Variants in NRIP1 observed in about 807,000 individuals in gnomAD.
The protein encoded by NRIP1 is nuclear receptor interacting protein 1.
NRIP1 carries 28 observed loss-of-function variants against 75.0 expected under a neutral mutation model. The observed-to-expected ratio is 0.37, with a 90% confidence interval of 0.28 to 0.51. The LOEUF is 0.51. NRIP1 is among the 20% of genes least tolerant of loss of function. NRIP1 has a pLI of 0.92. For missense variants in NRIP1, 1,435 were observed against 1,343.7 expected (o/e 1.07, Z -1.06); for synonymous variants, 526 against 487.6 (o/e 1.08, Z -1.04).
intron 2 of NRIP1, among the ~76,000 whole-genome samples, chr21:15,017,588 A>C (rs778446246): frequency 2.0e-5 from 3 of 152,212 alleles, no homozygotes; most frequent in Non-Finnish European, 4.4e-5. Context: ...GTAGATGAGG[A>C]AACTGGGTTT....
At chr21:15,028,186 C>T (rs1282321715) in intron 2 of NRIP1, among the ~76,000 whole-genome samples, 1 of 152,100 alleles carries the variant, frequency 6.6e-6, no homozygotes, top group Non-Finnish European at 1.5e-5. Flanking sequence ...ATCTTAGCTA[C>T]GTGCTGCATT....
intron 3 of NRIP1, among the ~76,000 whole-genome samples, chr21:14,999,447 A>G (rs1308853109): frequency 6.6e-6 from 1 of 152,196 alleles, no homozygotes. Flanking sequence ...ATTTGGTTAT[A>G]AACTTTACTG....
At chr21:14,980,472 CAAAATAAAAT>C (rs1288307319) in intron 3 of NRIP1, among the ~76,000 whole-genome samples, 2 of 151,176 alleles carry the variant, frequency 1.3e-5, no homozygotes, top group African/African-American at 4.9e-5. Context: ...GACTCCGTAT[CAAAATAAAAT>C]AAAATAAAAT....
At chr21:15,001,237 C>T (rs1481108064) in intron 3 of NRIP1, among the ~76,000 whole-genome samples, 1 of 152,188 alleles carries the variant, frequency 6.6e-6, no homozygotes, top group East Asian at 1.9e-4. Context: ...CTTCCTCTCT[C>T]TCCTAAATCA....
At chr21:15,060,724 C>T (rs984242028) in intron 1 of NRIP1, among the ~76,000 whole-genome samples, 1 of 152,132 alleles carries the variant, frequency 6.6e-6, no homozygotes, top group Admixed American at 6.5e-5. Flanking sequence ...TGTCGTTTCT[C>T]TCCCTCAAAC....
At chr21:14,984,228 T>C (rs909279451) in intron 3 of NRIP1, among the ~76,000 whole-genome samples, 1 of 152,118 alleles carries the variant, frequency 6.6e-6, no homozygotes, top group African/African-American at 2.4e-5. Flanking sequence ...ATGGATGACT[T>C]TGAGGAATTC....
intron 3 of NRIP1, among the ~76,000 whole-genome samples, chr21:14,996,970 T>C (rs1192071633): frequency 6.6e-6 from 1 of 152,064 alleles, no homozygotes; most frequent in Admixed American, 6.6e-5. Context: ...ATAAGTACTA[T>C]CCAGTTAAAA....
intron 3 of NRIP1, among the ~76,000 whole-genome samples, chr21:14,994,395 G>A (rs2087661812): frequency 6.6e-6 from 1 of 152,078 alleles, no homozygotes; most frequent in South Asian, 2.1e-4. Context: ...AGAATGCTGG[G>A]ATTACATGCA....
chr21:14,972,537 A>G (rs1241390024), intron 3 of NRIP1, among the ~76,000 whole-genome samples: 1 of 152,232 alleles, frequency 6.6e-6, no homozygotes, highest in African/African-American at 2.4e-5. Flanking sequence ...ATTCCAACAT[A>G]TAGTTCTCTT....
At chr21:15,034,502 G>GA (rs527440526) in intron 2 of NRIP1, among the ~76,000 whole-genome samples, 12 of 152,190 alleles carry the variant, frequency 7.9e-5, no homozygotes, top group African/African-American at 2.2e-4. Context: ...TTCCTGGGGG[G>GA]AAAAAATGAA....
At chr21:14,976,753 A>C (rs1443619539) in intron 3 of NRIP1, among the ~76,000 whole-genome samples, 1 of 152,208 alleles carries the variant, frequency 6.6e-6, no homozygotes, top group Non-Finnish European at 1.5e-5. Context: ...ATGTAGGACT[A>C]TTTTTGGTTG....
At chr21:14,984,950 A>C (rs186379781) in intron 3 of NRIP1, among the ~76,000 whole-genome samples, 46 of 152,314 alleles carry the variant, frequency 3.0e-4, no homozygotes, top group African/African-American at 1.1e-3. Context: ...TGGCACACTT[A>C]ACAGACTACA....
intron 2 of NRIP1, among the ~76,000 whole-genome samples, chr21:15,040,653 T>G (rs951418631): frequency 6.6e-6 from 1 of 152,058 alleles, no homozygotes; most frequent in Non-Finnish European, 1.5e-5. Context: ...AAATCCACTT[T>G]CAGTATTTCA....
chr21:14,962,044 AAATAT>A lies in NRIP1; in HGVS notation c.*2667_*2671del, dbSNP rs2086607117. ...ATATATATATATATATATATATATA[AAATAT>A]ATACTCTCACCAGTTTACTCTTCTG... On this transcript the variant is annotated 3_prime_UTR_variant, in exon 4 of 4. Transcript: ENST00000318948. The A allele has an allele frequency of 7.0e-6, 1 of 143,374 alleles. No individual in the cohort carries two copies. Among genetic ancestry groups the A allele is most frequent in the Non-Finnish European group, 1.5e-5 (1 of 64,926 alleles). 8.9% of individuals were successfully genotyped at this position (143,374 alleles called of 1,614,324 possible).
chr21:14,970,251 A>G (rs866250814), intron 3 of NRIP1, among the ~76,000 whole-genome samples: 2 of 152,190 alleles, frequency 1.3e-5, no homozygotes, highest in African/African-American at 2.4e-5. Context: ...AATTCTCTCA[A>G]AAAACTTAAT....
intron 3 of NRIP1, among the ~76,000 whole-genome samples, chr21:15,001,563 T>TA (rs368165038): frequency 0.017 from 2,551 of 152,068 alleles, 79 homozygotes; most frequent in African/African-American, 0.058. Context: ...ATCACAGAAT[T>TA]AAAAAAAATT....
At chr21:15,014,827 TAA>T (rs56153791) in intron 2 of NRIP1, among the ~76,000 whole-genome samples, 134 of 144,514 alleles carry the variant, frequency 9.3e-4, no homozygotes, top group Non-Finnish European at 1.2e-3. Flanking sequence ...GTGTATTTCT[TAA>T]AAAAAAAAAA....
In NRIP1 at chr21:15,031,995, G is replaced by A. The variant is rs572901338; in HGVS notation, c.-458+11500C>T. On this transcript the variant is annotated intron_variant, in intron 2 of 3. Transcript: ENST00000318948. Reference sequence around the variant, plus strand: ...GTGTACACTCTGGAAGGCGCTTGGAGGATCACCACATTCCCTTTCTATGTG... The same window carrying A: ...GTGTACACTCTGGAAGGCGCTTGGAAGATCACCACATTCCCTTTCTATGTG... Among the ~76,000 whole-genome samples the A allele has an allele frequency of 4.1e-4, 63 of 152,162 alleles. 2 individuals carry two copies. Among genetic ancestry groups the A allele is most frequent in the Middle Eastern group, 6.8e-3 (2 of 294 alleles).
intron 1 of NRIP1, among the ~76,000 whole-genome samples, chr21:15,043,957 T>C (rs2089015023): frequency 6.6e-6 from 1 of 152,156 alleles, no homozygotes; most frequent in East Asian, 1.9e-4. Flanking sequence ...TAGCTGGGAT[T>C]ACAGGTGCCC....
Sources: allele counts gnomAD v4.1 joint callset (sites outside exome capture counted in the v4.1 genomes callset), GRCh38; gene constraint gnomAD v4.1.1; transcripts MANE v1.5; gene names NCBI Gene and HGNC (gene_info 2026-07-23, HGNC 2026-07-21).